PCDHGB3: variants seen among roughly 807,000 people sequenced by gnomAD.
PCDHGB3 encodes the protein protocadherin gamma subfamily B, 3, also known as protocadherin gamma-B3.
In PCDHGB3, 40 loss-of-function variants were observed where a neutral mutation model predicts 59.2. That is an observed-to-expected ratio of 0.68 (90% confidence interval 0.52 to 0.88). The LOEUF is 0.88. Ranked by LOEUF, PCDHGB3 falls within the 40% of genes least tolerant of loss-of-function variation. The probability of loss-of-function intolerance (pLI) is 0.00; values close to 1 mark genes in which losing one functional copy is unlikely to be tolerated. For synonymous variants in PCDHGB3, 581 were observed against 503.6 expected (o/e 1.15, Z -2.06); for missense variants, 1,309 against 1,187.9 (o/e 1.10, Z -1.50).
intron 1 of PCDHGB3, among the ~76,000 whole-genome samples, chr5:141,407,487 C>T (rs928735518): frequency 7.0e-6 from 1 of 142,894 alleles, no homozygotes; most frequent in African/African-American, 2.6e-5. Context: ...TATGGAAAAT[C>T]TTTATTTCTG....
chr5:141,466,115 C>A (rs2099117208), intron 1 of PCDHGB3, among the ~76,000 whole-genome samples: 1 of 151,618 alleles, frequency 6.6e-6, no homozygotes, highest in African/African-American at 2.4e-5. Context: ...GAGTGAGACT[C>A]CAGCTCAAAA....
At position 141,431,248 on chromosome 5, in the gene PCDHGB3, G is replaced by T. The variant is rs1213088915; in HGVS notation, c.2415+58439G>T. ...CCCACGCCTGGGATCCGGATATCGG[G>T]AAGAACTCTCTGCAGAGCTACGAGC... On this transcript the variant is annotated intron_variant, in intron 1 of 3. Coordinates refer to ENST00000576222, the MANE Select transcript of PCDHGB3 (RefSeq NM_018924.5). The surrounding 1 kb of genome is among the most constrained non-coding windows in gnomAD (Gnocchi z 4.8). 6.2e-7 allele frequency: 1 copy of T among 1,614,022 alleles called. No individual in the cohort carries two copies. The highest frequency in any genetic ancestry group is 8.5e-7 in the Non-Finnish European group (1 of 1,180,056).
chr5:141,486,590 C>T lies in PCDHGB3; in HGVS notation c.2416-8217C>T, dbSNP rs781629297. On this transcript the variant is annotated intron_variant, in intron 1 of 3. Transcript: ENST00000576222. This position sits in a 1 kb window ranked among gnomAD's most constrained non-coding sequence, Gnocchi z 5.0. Reference sequence around the variant, plus strand: ...TCCTGAGAACAATCGCCCAGGGGACCTGCTTTGCTCCCTTGCAGCCTCTGA... The same window carrying T: ...TCCTGAGAACAATCGCCCAGGGGACTTGCTTTGCTCCCTTGCAGCCTCTGA... The T allele has an allele frequency of 6.2e-7, 1 of 1,613,640 alleles. No individual in the cohort carries two copies.
chr5:141,425,585 A>T (rs1270579511), intron 1 of PCDHGB3, among the ~76,000 whole-genome samples: 1 of 152,252 alleles, frequency 6.6e-6, no homozygotes, highest in Non-Finnish European at 1.5e-5. Context: ...GGCTAACTTT[A>T]TTCTGAATAT....
Position 141,476,966 on chromosome 5 carries a change from G to T in PCDHGB3, c.2416-17841G>T, listed in dbSNP as rs780645226. The T allele has an allele frequency of 6.2e-7, 1 of 1,614,152 alleles. No homozygotes were observed. Among genetic ancestry groups the T allele is most frequent in the Admixed American group, 1.7e-5 (1 of 60,032 alleles). On this transcript the variant is annotated intron_variant, in intron 1 of 3. Coordinates refer to ENST00000576222, the MANE Select transcript of PCDHGB3 (RefSeq NM_018924.5). The surrounding 1 kb of genome is among the most constrained non-coding windows in gnomAD (Gnocchi z 7.6). Reference sequence around the variant, plus strand: ...CAACGGTGAAATTATTTACTCCTTCGGCAGCCACAACCGCGCCGGCGTGCG... The same window carrying T: ...CAACGGTGAAATTATTTACTCCTTCTGCAGCCACAACCGCGCCGGCGTGCG...
At chr5:141,403,979 A>G in intron 1 of PCDHGB3, 1 of 1,613,932 alleles carries the variant, frequency 6.2e-7, no homozygotes, top group Non-Finnish European at 8.5e-7. Context: ...TGTAAATGAC[A>G]ATAGACCTGA....
intron 1 of PCDHGB3, chr5:141,427,783 C>T (rs765131117): frequency 1.4e-6 from 2 of 1,460,966 alleles, no homozygotes; most frequent in Non-Finnish European, 1.9e-6. Flanking sequence ...CGGGCACTGT[C>T]GTCCTACGTG....
At chr5:141,438,957 C>T (rs1292059651) in intron 1 of PCDHGB3, among the ~76,000 whole-genome samples, 1 of 152,026 alleles carries the variant, frequency 6.6e-6, no homozygotes, top group Non-Finnish European at 1.5e-5. Context: ...TGAGCCACCG[C>T]ACCCTGCCAA....
chr5:141,391,000 T>C (rs2092286539), intron 1 of PCDHGB3: 1 of 152,230 alleles, frequency 6.6e-6, no homozygotes, highest in Admixed American at 6.5e-5. Flanking sequence ...TTCAAGCTCA[T>C]TCTATATCCT....
Position 141,372,132 on chromosome 5 carries a change from C to A in PCDHGB3, c.1738C>A (p.Arg580Ser). Residue 580 changes from arginine (R) to serine (S), a missense_variant, in exon 1 of 4, where the codon CGC (arginine) becomes AGC (serine). Transcript: ENST00000576222. Reference sequence around the variant, plus strand: ...CTCTGCGCTCTTCGATATGGTGCCGCGCTCTGCAGAGCCTGGCTACCTGGT... The same window carrying A: ...CTCTGCGCTCTTCGATATGGTGCCGAGCTCTGCAGAGCCTGGCTACCTGGT... ...EGSALFDMVPRSAEPGYLVTK... is the reference protein window; with the variant it reads ...EGSALFDMVPSSAEPGYLVTK... 1 of 1,613,718 alleles carries A rather than the reference C, an allele frequency of 6.2e-7. No homozygotes were observed. The highest frequency in any genetic ancestry group is 8.5e-7 in the Non-Finnish European group (1 of 1,179,860).
chr5:141,431,776 C>T lies in PCDHGB3; in HGVS notation c.2415+58967C>T. 6.2e-7 allele frequency: 1 copy of T among 1,614,228 alleles called. No individual in the cohort carries two copies. The stretch of plus-strand genomic sequence containing the variant: ...CCAAAGTCCTGATCACTGTTCTGGA[C>T]GTGAACGACAATGCCCCAGAAGTGG... On this transcript the variant is annotated intron_variant, in intron 1 of 3. Coordinates refer to ENST00000576222, the MANE Select transcript of PCDHGB3 (RefSeq NM_018924.5). The surrounding 1 kb of genome is among the most constrained non-coding windows in gnomAD (Gnocchi z 4.8).
intron 1 of PCDHGB3, among the ~76,000 whole-genome samples, chr5:141,481,400 T>C (rs2154578591): frequency 6.6e-6 from 1 of 152,358 alleles, no homozygotes; most frequent in East Asian, 1.9e-4. Context: ...GTGACAAAAT[T>C]CTTGTATAAT....
At position 141,476,689 on chromosome 5, in the gene PCDHGB3, C is replaced by A; in HGVS notation, c.2416-18118C>A. Reference sequence around the variant, plus strand: ...GCGTGCAGACGCGGGAGGACAGCACCAAGTACGCGGAGCTGGTGTTGGAGC... The same window carrying A: ...GCGTGCAGACGCGGGAGGACAGCACAAAGTACGCGGAGCTGGTGTTGGAGC... On this transcript the variant is annotated intron_variant, in intron 1 of 3. Transcript: ENST00000576222. The surrounding 1 kb of genome is among the most constrained non-coding windows in gnomAD (Gnocchi z 7.6). The A allele has an allele frequency of 1.9e-6, 3 of 1,614,226 alleles. No homozygotes were observed. Among genetic ancestry groups the A allele is most frequent in the Non-Finnish European group, 2.5e-6 (3 of 1,180,046 alleles).
rs1054594374 is a variant in PCDHGB3 at position 141,489,607 on chromosome 5, A to G, written c.2416-5200A>G. On this transcript the variant is annotated intron_variant, in intron 1 of 3. Coordinates refer to ENST00000576222, the MANE Select transcript of PCDHGB3 (RefSeq NM_018924.5). This position sits in a 1 kb window ranked among gnomAD's most constrained non-coding sequence, Gnocchi z 4.5. ...GGAGCTAATCCGTGTAGAGGTAGAG[A>G]TCCTGGATCTCAATGACAACTCTCC... The G allele has an allele frequency of 6.2e-6, 10 of 1,613,850 alleles. No homozygotes were observed. The highest frequency in any genetic ancestry group is 8.5e-6 in the Non-Finnish European group (10 of 1,179,956).
intron 1 of PCDHGB3, chr5:141,409,236 C>T (rs1305954301): frequency 1.2e-6 from 2 of 1,613,866 alleles, no homozygotes; most frequent in Non-Finnish European, 8.5e-7. Flanking sequence ...GACAACAGCC[C>T]AGAAATAATC....
At chr5:141,488,217 A>G (rs537136341) in intron 1 of PCDHGB3, among the ~76,000 whole-genome samples, 2 of 152,274 alleles carry the variant, frequency 1.3e-5, no homozygotes, top group East Asian at 1.9e-4. Flanking sequence ...TCAAGTCCCT[A>G]CTGGGGATTT....
intron 1 of PCDHGB3, among the ~76,000 whole-genome samples, chr5:141,438,587 C>CATAT (rs1372372472): frequency 2.7e-5 from 2 of 73,430 alleles, no homozygotes; most frequent in Non-Finnish European, 5.2e-5. Context: ...TACATACATA[C>CATAT]ATACATATAT....
intron 1 of PCDHGB3, chr5:141,373,906 A>T: frequency 1.7e-6 from 1 of 604,222 alleles, no homozygotes; most frequent in South Asian, 4.3e-5. Context: ...ACATCCTCCA[A>T]CAACAAAGCA....
intron 1 of PCDHGB3, chr5:141,403,037 A>G (rs1561685258): frequency 9.3e-6 from 15 of 1,613,972 alleles, no homozygotes; most frequent in South Asian, 5.5e-5. Flanking sequence ...GGCCAGGGCC[A>G]GTCAGATTCG....
Sources: gnomAD v4.1 joint callset for allele counts (sites outside exome capture counted in the v4.1 genomes callset) on GRCh38, gnomAD v4.1.1 for gene constraint, Gnocchi (gnomAD v3.1) non-coding constraint, MANE v1.5 for transcripts, NCBI Gene and HGNC (gene_info 2026-07-23, HGNC 2026-07-21) for gene names.